Variants in ANKRD28 observed in about 807,000 individuals in gnomAD.
ANKRD28 encodes ankyrin repeat domain 28.
A neutral mutation model predicts 126.5 loss-of-function variants in ANKRD28; 44 were observed. The ratio of observed to expected loss-of-function variants is 0.35; its 90% CI spans 0.27 to 0.45. The LOEUF is 0.45. Among genes scored for constraint, ANKRD28 ranks in the 20% least tolerant of loss-of-function variants. The pLI, the probability that ANKRD28 is intolerant of heterozygous loss-of-function variation, is 1.00. For synonymous variants in ANKRD28, 442 were observed against 468.5 expected (o/e 0.94, Z 0.73); for missense variants, 1,110 against 1,316.6 (o/e 0.84, Z 2.43).
rs5846879 is a variant in ANKRD28 at position 15,845,310 on chromosome 3, G to GTATA, written c.27+14063_27+14066dup. 1.1e-3 allele frequency among the ~76,000 whole-genome samples: 169 copies of GTATA among 151,040 alleles called. No homozygotes were observed. Among genetic ancestry groups the GTATA allele is most frequent in the East Asian group, 5.0e-3 (26 of 5,150 alleles). On this transcript the variant is annotated intron_variant, in intron 1 of 27. Coordinates refer to the ANKRD28 transcript ENST00000399451. This position sits in a 1 kb window ranked among gnomAD's most constrained non-coding sequence, Gnocchi z 4.9. The stretch of plus-strand genomic sequence containing the variant: ...CACAATCTTCCAGAACATTTCTAAA[G>GTATA]TATATATATATATATATTCCATATT...
intron 2 of ANKRD28, 28 bp downstream of exon 2, chr3:15,795,195 G>A: frequency 6.9e-7 from 1 of 1,449,640 alleles, no homozygotes; most frequent in Non-Finnish European, 9.7e-7. Context: ...AGTTTTAAAG[G>A]CTGGCATCAG....
intron 2 of ANKRD28, chr3:15,781,546 A>G (rs2059540021): frequency 6.6e-6 from 1 of 152,166 alleles, no homozygotes; most frequent in Non-Finnish European, 1.5e-5. Flanking sequence ...AACTAATATT[A>G]ATAATAAAAA....
At position 15,833,472 on chromosome 3, in the gene ANKRD28, CAT is replaced by C. The variant is rs1186687378; in HGVS notation, c.27+25903_27+25904del. Among the ~76,000 whole-genome samples, 1 of 148,800 alleles carries C rather than the reference CAT, an allele frequency of 6.7e-6. No individual in the cohort carries two copies. The highest frequency in any genetic ancestry group is 2.5e-5 in the African/African-American group (1 of 40,696). On this transcript the variant is annotated intron_variant, in intron 1 of 27. Transcript: ENST00000399451. This position sits in a 1 kb window ranked among gnomAD's most constrained non-coding sequence, Gnocchi z 4.4. ...GTGAGTTAATACTTAAACTCCCCTT[CAT>C]ATATATATAATATATAAAAATATAC... is the stretch of plus-strand genomic sequence containing the variant.
chr3:15,850,204 A>AAAAAAATATATATATATAT (rs1486394619), intron 1 of ANKRD28, among the ~76,000 whole-genome samples: 1 of 54,836 alleles, frequency 1.8e-5, no homozygotes, highest in Non-Finnish European at 3.8e-5. Context: ...AAAAAAAAAA[A>AAAAAAATATATATATATAT]ATATATATAT....
intron 2 of ANKRD28, among the ~76,000 whole-genome samples, chr3:15,792,078 C>G (rs1233952095): frequency 6.6e-6 from 1 of 151,978 alleles, no homozygotes; most frequent in Non-Finnish European, 1.5e-5. Flanking sequence ...CAGGCAGTAA[C>G]AAATGCTGGT....
In ANKRD28 at chr3:15,696,086, A is replaced by G. The variant is rs538069100; in HGVS notation, c.1659+48T>C. ...TTATTCTCATTTTTGTTACATTATT[A>G]GACTATAAACTCCCATTAGGTCTTT... is the stretch of plus-strand genomic sequence containing the variant. On this transcript the variant is annotated intron_variant, in intron 15 of 27. Transcript: ENST00000683139. The G allele has an allele frequency of 2.6e-5, 32 of 1,238,582 alleles. 1 individual carries two copies. The South Asian group carries it at 4.1e-4, about 16-fold the overall frequency. The allele number at this position is 1,238,582 out of a possible 1,614,324, so 76.7% of individuals were successfully genotyped here. A position where few individuals can be genotyped will look rare whatever the true frequency, so the allele number is the denominator to read the frequency against.
intron 1 of ANKRD28, among the ~76,000 whole-genome samples, chr3:15,811,916 G>A (rs973502066): frequency 4.0e-5 from 6 of 151,542 alleles, no homozygotes; most frequent in Non-Finnish European, 8.8e-5. Context: ...CACTTTGGGA[G>A]GTCAAGGTGG....
exon 1 of ANKRD28, chr3:15,859,589 G>T: frequency 5.1e-6 from 1 of 197,456 alleles, no homozygotes; most frequent in South Asian, 1.6e-4. Flanking sequence ...GCCCGCCGCC[G>T]CCGCCGCCGC....
At chr3:15,776,406 T>C (rs2059271465) in intron 2 of ANKRD28, among the ~76,000 whole-genome samples, 1 of 152,238 alleles carries the variant, frequency 6.6e-6, no homozygotes, top group South Asian at 2.1e-4. Flanking sequence ...ATAAACTGTG[T>C]TGGATGCATT....
At position 15,836,618 on chromosome 3, in the gene ANKRD28, G is replaced by A. The variant is rs113076910; in HGVS notation, c.27+22759C>T. On this transcript the variant is annotated intron_variant, in intron 1 of 27. Transcript: ENST00000399451. ...TTCAAAGACACAAGCAGGCTGAAACGATGGAAAAACATATACCACACAAAG... is the reference window on the plus strand; with the variant it reads ...TTCAAAGACACAAGCAGGCTGAAACAATGGAAAAACATATACCACACAAAG... Among the ~76,000 whole-genome samples the A allele has an allele frequency of 3.9e-3, 601 of 152,254 alleles. 6 individuals are homozygous for A. Among genetic ancestry groups the A allele is most frequent in the African/African-American group, 0.014 (575 of 41,550 alleles).
chr3:15,688,354 CT>C (rs1189874169), intron 18 of ANKRD28, among the ~76,000 whole-genome samples: 3 of 152,150 alleles, frequency 2.0e-5, no homozygotes, highest in Admixed American at 1.3e-4. Flanking sequence ...TGAAACTGAA[CT>C]CAAGTGACCC....
intron 2 of ANKRD28, among the ~76,000 whole-genome samples, chr3:15,791,922 A>T (rs1226782693): frequency 6.6e-6 from 1 of 152,196 alleles, no homozygotes; most frequent in Non-Finnish European, 1.5e-5. Context: ...ATAATCTGAT[A>T]AAAAATGGGC....
chr3:15,699,960 C>T (rs2070312468), intron 14 of ANKRD28, among the ~76,000 whole-genome samples: 1 of 152,180 alleles, frequency 6.6e-6, no homozygotes, highest in African/African-American at 2.4e-5. Flanking sequence ...GCACTATTTG[C>T]AATAGCAAAG....
rs750169581 is a variant in ANKRD28 at position 15,711,244 on chromosome 3, C to T, written c.1304G>A (p.Gly435Asp). 6.2e-7 allele frequency: 1 copy of T among 1,612,474 alleles called. No homozygotes were observed. Among genetic ancestry groups the T allele is most frequent in the Non-Finnish European group, 8.5e-7 (1 of 1,178,924 alleles). ...TGCAGCTGCATGTAGACAAGTCCTG[C>T]CAAAATCATCTGGGGTATCTATATC... is the stretch of plus-strand genomic sequence containing the variant. Reference protein sequence around the residue: ...GFDIDTPDDFGRTCLHAAAAG... With the variant: ...GFDIDTPDDFDRTCLHAAAAG... The change falls in exon 12 of 28, where the codon GGC becomes GAC. Residue 435 changes from glycine to aspartate, a missense_variant. By Grantham distance (94) the Gly-to-Asp change is moderately conservative (BLOSUM62 -1). Coordinates refer to ENST00000683139, the MANE Select transcript of ANKRD28 (RefSeq NM_001349278.2).
chr3:15,806,363 A>T (rs1022140733), intron 1 of ANKRD28, among the ~76,000 whole-genome samples: 1 of 152,136 alleles, frequency 6.6e-6, no homozygotes, highest in African/African-American at 2.4e-5. Context: ...TATTGTAGAA[A>T]TTTTTTGTGT....
chr3:15,739,629 T>C (rs1366931132), intron 4 of ANKRD28, among the ~76,000 whole-genome samples: 1 of 152,198 alleles, frequency 6.6e-6, no homozygotes, highest in Non-Finnish European at 1.5e-5. Context: ...AAGTATGCTA[T>C]AAAGCACAAT....
intron 3 of ANKRD28, among the ~76,000 whole-genome samples, chr3:15,761,269 G>C (rs1190433778): frequency 6.6e-6 from 1 of 151,904 alleles, no homozygotes; most frequent in African/African-American, 2.4e-5. Context: ...ATGTGGTGTT[G>C]GTAATTAACA....
chr3:15,678,285 A>C lies in ANKRD28; in HGVS notation c.2631T>G (p.Ala877=). 1.9e-6 allele frequency: 3 copies of C among 1,613,208 alleles called. No individual in the cohort carries two copies. In the South Asian group the frequency reaches 3.3e-5, roughly 18 times the overall value. The change falls in exon 24 of 28, where the codon GCT becomes GCG. Residue 877 remains alanine (A), a synonymous_variant. Coordinates refer to ENST00000683139, the MANE Select transcript of ANKRD28 (RefSeq NM_001349278.2). ...ECLQLLLSHN[A]QVNSVDSTGK... Reference sequence around the variant, plus strand: ...CTGTAGAGTCCACAGAATTGACTTGAGCATTATGGCTGAGCAGCAGCTGTA... The same window carrying C: ...CTGTAGAGTCCACAGAATTGACTTGCGCATTATGGCTGAGCAGCAGCTGTA...
At chr3:15,776,072 A>G (rs567557300) in intron 2 of ANKRD28, among the ~76,000 whole-genome samples, 67 of 152,322 alleles carry the variant, frequency 4.4e-4, no homozygotes, top group African/African-American at 1.5e-3. Context: ...CCCAGAAATT[A>G]CAAGGGTTTT....
Sources: gnomAD v4.1 joint callset for allele counts (sites outside exome capture counted in the v4.1 genomes callset) on GRCh38, gnomAD v4.1.1 for gene constraint, Gnocchi (gnomAD v3.1) non-coding constraint, MANE v1.5 for transcripts, NCBI Gene and HGNC (gene_info 2026-07-23, HGNC 2026-07-21) for gene names.